The following CHCHD6 variants were observed in gnomAD, a reference collection of about 807,000 sequenced individuals.
CHCHD6 encodes the protein MICOS complex subunit MIC25.
CHCHD6 carries 28 observed loss-of-function variants against 32.3 expected under a neutral mutation model. The observed-to-expected ratio is 0.87, with a 90% CI of 0.64 to 1.19. The LOEUF is 1.19. CHCHD6 is among the 50% of genes most tolerant of loss of function. CHCHD6 has a pLI of 0.00. For missense variants in CHCHD6, 333 were observed against 307.0 expected, an observed-to-expected ratio of 1.08 and a Z score of -0.63; for synonymous variants, 122 against 117.5, an observed-to-expected ratio of 1.04 and a Z score of -0.25.
At position 126,832,608 on chromosome 3, in the gene CHCHD6, C is replaced by G. The variant is rs936128354; in HGVS notation, c.412-20039C>G. Among the ~76,000 whole-genome samples, 22 of 152,216 alleles carry G rather than the reference C, an allele frequency of 1.4e-4. 1 individual carries two copies. The highest frequency in any genetic ancestry group is 2.9e-5 in the Non-Finnish European group (2 of 68,036). On this transcript the variant is annotated intron_variant, in intron 4 of 7. Coordinates refer to ENST00000290913, the MANE Select transcript of CHCHD6 (RefSeq NM_032343.3). ...TGTTTTACAAAGGAAGAATGGTATT[C>G]TTTCTTGCCTTTGCCAAGAGGAAGA...
At chr3:126,808,485 T>C (rs1181649337) in intron 4 of CHCHD6, among the ~76,000 whole-genome samples, 3 of 152,178 alleles carry the variant, frequency 2.0e-5, no homozygotes, top group Admixed American at 6.5e-5. Flanking sequence ...AAAATGTTTG[T>C]AGAAAAATTG....
intron 4 of CHCHD6, among the ~76,000 whole-genome samples, chr3:126,818,182 T>C (rs1056155405): frequency 5.9e-5 from 9 of 152,218 alleles, no homozygotes; most frequent in Admixed American, 1.3e-4. Flanking sequence ...CCTCTTAATG[T>C]TTATGCATTT....
At chr3:126,707,839 G>T (rs1051024847) in intron 1 of CHCHD6, among the ~76,000 whole-genome samples, 1 of 152,252 alleles carries the variant, frequency 6.6e-6, no homozygotes, top group East Asian at 1.9e-4. Context: ...CCAGAGCGCT[G>T]CACCTGCAAC....
intron 1 of CHCHD6, among the ~76,000 whole-genome samples, chr3:126,704,630 T>C (rs906036646): frequency 2.6e-5 from 4 of 152,032 alleles, no homozygotes; most frequent in Non-Finnish European, 4.4e-5. Flanking sequence ...ACTGTACAGG[T>C]GCGAGGCCCC....
At chr3:126,914,831 C>G in intron 6 of CHCHD6, 81 bp downstream of exon 6, 1 of 782,898 alleles carries the variant, frequency 1.3e-6, no homozygotes. Flanking sequence ...CCTGCCACCA[C>G]CTGCCTAATT....
chr3:126,958,225 T>A (rs116782164), intron 7 of CHCHD6, among the ~76,000 whole-genome samples: 446 of 151,278 alleles, frequency 2.9e-3, no homozygotes, highest in Non-Finnish European at 5.2e-3. Flanking sequence ...CGTAGCGTCC[T>A]CTGGTGCAGT....
chr3:126,902,212 T>C (rs1049818846), intron 5 of CHCHD6, among the ~76,000 whole-genome samples: 1 of 152,114 alleles, frequency 6.6e-6, no homozygotes, highest in African/African-American at 2.4e-5. Context: ...GTAATCAGGG[T>C]CTCTGTGGTG....
chr3:126,807,400 C>A (rs535985610), intron 4 of CHCHD6, among the ~76,000 whole-genome samples: 6 of 151,736 alleles, frequency 4.0e-5, no homozygotes, highest in Non-Finnish European at 5.9e-5. Context: ...TTAGAAAAAA[C>A]CCATTAGAAA....
chr3:126,728,014 C>T (rs527387225), intron 2 of CHCHD6, among the ~76,000 whole-genome samples: 13 of 151,854 alleles, frequency 8.6e-5, no homozygotes, highest in East Asian at 5.8e-4. Flanking sequence ...CATGCCACCA[C>T]GGAAGGACCG....
intron 4 of CHCHD6, among the ~76,000 whole-genome samples, chr3:126,847,970 A>G (rs191333987): frequency 8.5e-5 from 13 of 152,098 alleles, no homozygotes; most frequent in Middle Eastern, 3.4e-3. Flanking sequence ...CTTTTATCAG[A>G]CTTTTTATCT....
At chr3:126,798,003 G>C (rs1032615672) in intron 4 of CHCHD6, among the ~76,000 whole-genome samples, 3 of 152,194 alleles carry the variant, frequency 2.0e-5, no homozygotes, top group African/African-American at 7.2e-5. Context: ...GCCTTGTGCT[G>C]TATGTGCTAA....
chr3:126,840,834 A>G (rs769392221), intron 4 of CHCHD6, among the ~76,000 whole-genome samples: 118 of 152,084 alleles, frequency 7.8e-4, no homozygotes, highest in South Asian at 1.5e-3. Context: ...TCTCCGTTGT[A>G]TGGGTTAGGA....
chr3:126,708,906 C>G lies in CHCHD6; in HGVS notation c.87+4507C>G, dbSNP rs144449393. ...CTTCTCTGGACATTTCGTAGATAGT[C>G]CCCTCTTGGTCTTTCAATGACCTAT... On this transcript the variant is annotated intron_variant, in intron 1 of 7. Coordinates refer to ENST00000290913, the MANE Select transcript of CHCHD6 (RefSeq NM_032343.3). Among the ~76,000 whole-genome samples, 45 of 152,260 alleles carry G rather than the reference C, an allele frequency of 3.0e-4. No homozygotes were observed. The East Asian group carries it at 8.3e-3, about 28-fold the overall frequency.
At chr3:126,936,723 T>C (rs2078484816) in intron 6 of CHCHD6, among the ~76,000 whole-genome samples, 1 of 152,102 alleles carries the variant, frequency 6.6e-6, no homozygotes, top group African/African-American at 2.4e-5. Flanking sequence ...GCTCAGCTAA[T>C]TTTTTTGTAT....
intron 6 of CHCHD6, among the ~76,000 whole-genome samples, chr3:126,946,197 C>T (rs533707329): frequency 1.3e-5 from 2 of 152,298 alleles, no homozygotes; most frequent in African/African-American, 4.8e-5. Flanking sequence ...TGGAAGTCGT[C>T]ATCCCCCAGC....
At chr3:126,837,333 G>A (rs923914649) in intron 4 of CHCHD6, among the ~76,000 whole-genome samples, 4 of 152,086 alleles carry the variant, frequency 2.6e-5, no homozygotes, top group African/African-American at 7.2e-5. Context: ...AGATGACAAG[G>A]CAGGAGGATT....
intron 6 of CHCHD6, among the ~76,000 whole-genome samples, chr3:126,915,474 C>G (rs2078155435): frequency 6.6e-6 from 1 of 152,200 alleles, no homozygotes; most frequent in South Asian, 2.1e-4. Context: ...TATGGGTTCT[C>G]TGTGTGAAGT....
intron 4 of CHCHD6, among the ~76,000 whole-genome samples, chr3:126,822,425 T>C (rs1366307034): frequency 1.3e-5 from 2 of 152,260 alleles, no homozygotes; most frequent in African/African-American, 4.8e-5. Flanking sequence ...CCAGTCCATG[T>C]ATCTCTATGT....
At chr3:126,932,394 C>A (rs936448254) in intron 6 of CHCHD6, among the ~76,000 whole-genome samples, 1 of 152,196 alleles carries the variant, frequency 6.6e-6, no homozygotes, top group Non-Finnish European at 1.5e-5. Context: ...AACTGCCAAA[C>A]TGAATGTATT....
Sources: allele counts gnomAD v4.1 joint callset (sites outside exome capture counted in the v4.1 genomes callset), GRCh38; gene constraint gnomAD v4.1.1; transcripts MANE v1.5; gene names NCBI Gene and HGNC (gene_info 2026-07-23, HGNC 2026-07-21).